RPH3A: variants seen among roughly 807,000 people sequenced by gnomAD.
RPH3A encodes rabphilin-3A.
Under a neutral mutation model 102.2 loss-of-function variants are expected in RPH3A, and 48 were observed. The ratio of observed to expected loss-of-function variants is 0.47; its 90% confidence interval spans 0.37 to 0.60. The LOEUF (loss-of-function observed/expected upper bound fraction) is 0.60. Among genes scored for constraint, RPH3A ranks in the 20% least tolerant of loss-of-function variants. The pLI, the probability that RPH3A is intolerant of heterozygous loss-of-function variation, is 0.00. For synonymous variants in RPH3A, 310 were observed against 324.3 expected, an observed-to-expected ratio of 0.96 and a Z score of 0.47; for missense variants, 781 against 910.1, an observed-to-expected ratio of 0.86 and a Z score of 1.83.
At position 112,648,570 on chromosome 12, in the gene RPH3A, C is replaced by CAAAAAA. The variant is rs1167121829; in HGVS notation, c.-140+73274_-140+73279dup. ...GCAACAGAGTGAAACCCCATCTCTA[C>CAAAAAA]AAAAAAAAAAAAAAAAAAAAAAAAA... On this transcript the variant is annotated intron_variant, in intron 1 of 21. Transcript: ENST00000543106. Among the ~76,000 whole-genome samples the CAAAAAA allele has an allele frequency of 5.2e-3, 57 of 11,046 alleles. 24 individuals are homozygous for CAAAAAA. The highest frequency in any genetic ancestry group is 0.02 in the African/African-American group (50 of 2,482). The allele number at this position is 11,046 out of a possible 152,430, so 7.2% of individuals were successfully genotyped here.
Position 112,712,925 on chromosome 12 carries a change from C to CTTCTTCTTCTTCTTCT in RPH3A, c.-139-79217_-139-79216insTCTTCTTCTTCTTCTT, listed in dbSNP as rs1565856803. ...CTTCCTCTTCTTCTTCTTCTTCTTC[C>CTTCTTCTTCTTCTTCT]TCTTCTTCTTCTTCTTCTTCTTCTT... On this transcript the variant is annotated intron_variant, in intron 1 of 21. Transcript: ENST00000543106. Among the ~76,000 whole-genome samples, 177 of 94,520 alleles carry CTTCTTCTTCTTCTTCT rather than the reference C, an allele frequency of 1.9e-3. 8 individuals carry two copies. Among genetic ancestry groups the CTTCTTCTTCTTCTTCT allele is most frequent in the African/African-American group, 7.0e-3 (154 of 21,902 alleles). The allele number at this position is 94,520 out of a possible 152,430, so 62.0% of individuals were successfully genotyped here.
At chr12:112,652,710 T>G (rs1408739522) in intron 1 of RPH3A, among the ~76,000 whole-genome samples, 1 of 152,246 alleles carries the variant, frequency 6.6e-6, no homozygotes, top group Non-Finnish European at 1.5e-5. Context: ...ATTCATTAAT[T>G]CATTTTCAAC....
intron 8 of RPH3A, chr12:112,869,379 T>G (rs2042665896): frequency 5.3e-6 from 1 of 189,954 alleles, no homozygotes; most frequent in Admixed American, 5.7e-5. Context: ...CAACAAATGT[T>G]TTCTTCCTGA....
At chr12:112,592,462 G>A (rs1428975505) in intron 1 of RPH3A, among the ~76,000 whole-genome samples, 1 of 152,046 alleles carries the variant, frequency 6.6e-6, no homozygotes, top group Non-Finnish European at 1.5e-5. Flanking sequence ...GGGATTACGG[G>A]CACACGCCAC....
intron 15 of RPH3A, 148 bp from the exon 16 acceptor site, chr12:112,883,145 C>CAA (rs2042945606): frequency 1.3e-5 from 8 of 628,264 alleles, no homozygotes; most frequent in Admixed American, 1.0e-4. Flanking sequence ...CCCCCACTCC[C>CAA]TGAGAACATG....
chr12:112,665,105 T>G (rs1000378515), intron 1 of RPH3A, among the ~76,000 whole-genome samples: 11 of 152,090 alleles, frequency 7.2e-5, no homozygotes. Flanking sequence ...TTTAACGGAT[T>G]TTCTTCCCTT....
chr12:112,685,646 A>G (rs1330338171), intron 1 of RPH3A, among the ~76,000 whole-genome samples: 1 of 152,148 alleles, frequency 6.6e-6, no homozygotes. Context: ...GGACATGTCC[A>G]TCAGTTTTTC....
rs186868840 is a variant in RPH3A at position 112,864,864 on chromosome 12, G to A, written c.231-550G>A. 2.3e-4 allele frequency among the ~76,000 whole-genome samples: 35 copies of A among 152,238 alleles called. 1 individual carries two copies. The highest frequency in any genetic ancestry group is 2.3e-3 in the Admixed American group (35 of 15,290). On this transcript the variant is annotated intron_variant, in intron 5 of 21. Coordinates refer to ENST00000389385, the MANE Select transcript of RPH3A (RefSeq NM_001143854.2). ...GGGCTGGGGTGGAGCCAAAGAATTC[G>A]GTTGGGTCATTGAATGTCAGGAGAG...
At chr12:112,839,466 G>T (rs1397391721) in intron 4 of RPH3A, among the ~76,000 whole-genome samples, 1 of 152,052 alleles carries the variant, frequency 6.6e-6, no homozygotes, top group East Asian at 1.9e-4. Flanking sequence ...TGCATCAAAG[G>T]GTTGGCTGAT....
intron 1 of RPH3A, among the ~76,000 whole-genome samples, chr12:112,671,080 A>G (rs2136009372): frequency 6.6e-6 from 1 of 152,386 alleles, no homozygotes; most frequent in Non-Finnish European, 1.5e-5. Context: ...GCCACCAGCC[A>G]TGAGCCATTT....
Position 112,887,879 on chromosome 12 carries a change from A to T in RPH3A, c.1519A>T (p.Asn507Tyr), listed in dbSNP as rs1400203086. 6.2e-7 allele frequency: 1 copy of T among 1,613,884 alleles called. No homozygotes were observed. The highest frequency in any genetic ancestry group is 2.2e-5 in the East Asian group (1 of 44,898). The change falls in exon 17 of 22, where the codon AAC (asparagine) becomes TAC (tyrosine). Residue 507 changes from asparagine (N) to tyrosine (Y), a missense_variant. By Grantham distance (143) the Asn-to-Tyr change is moderately radical. Transcript: ENST00000389385. ...ATTCTCCCTCAAGAAACTGAAGCCC[A>T]ACCAGAGGAAGAATTTCAACATCTG... ...TRFSLKKLKP[N>Y]QRKNFNICLE... is the part of the protein sequence containing the mutation.
chr12:112,697,043 A>C (rs1011299649), intron 1 of RPH3A, among the ~76,000 whole-genome samples: 9 of 152,266 alleles, frequency 5.9e-5, no homozygotes, highest in Middle Eastern at 3.4e-3. Context: ...ATACTTAATA[A>C]CTGACTACTG....
chr12:112,649,363 C>A (rs1245766194), intron 1 of RPH3A: 2 of 152,186 alleles, frequency 1.3e-5, no homozygotes, highest in Non-Finnish European at 2.9e-5. Context: ...ACTCTTGGTA[C>A]TACTGGAACT....
intron 1 of RPH3A, among the ~76,000 whole-genome samples, chr12:112,704,363 T>C (rs2040414470): frequency 6.6e-6 from 1 of 152,174 alleles, no homozygotes; most frequent in African/African-American, 2.4e-5. Flanking sequence ...ATGCTGGGAT[T>C]ACAGGCATCA....
intron 1 of RPH3A, among the ~76,000 whole-genome samples, chr12:112,651,313 C>T (rs2039973704): frequency 6.6e-6 from 1 of 151,852 alleles, no homozygotes; most frequent in Non-Finnish European, 1.5e-5. Flanking sequence ...CTGTAGTGAG[C>T]AGAGATTGCA....
At chr12:112,596,747 A>G (rs1284103119) in intron 1 of RPH3A, among the ~76,000 whole-genome samples, 1 of 152,230 alleles carries the variant, frequency 6.6e-6, no homozygotes, top group Non-Finnish European at 1.5e-5. Flanking sequence ...ATAAATTTCA[A>G]TAAAAGTAGA....
At chr12:112,824,294 T>A (rs557221893) in intron 2 of RPH3A, among the ~76,000 whole-genome samples, 47 of 152,294 alleles carry the variant, frequency 3.1e-4, no homozygotes, top group Admixed American at 3.1e-3. Context: ...GCCATTGGCT[T>A]TGTGCTGCTC....
At chr12:112,848,933 C>A (rs1490894287) in intron 5 of RPH3A, among the ~76,000 whole-genome samples, 2 of 152,102 alleles carry the variant, frequency 1.3e-5, no homozygotes, top group Non-Finnish European at 2.9e-5. Flanking sequence ...AGAGAGGCCA[C>A]TGGAGTGGTC....
At chr12:112,585,291 C>T (rs558067172) in intron 1 of RPH3A, among the ~76,000 whole-genome samples, 1 of 152,300 alleles carries the variant, frequency 6.6e-6, no homozygotes, top group South Asian at 2.1e-4. Context: ...CCCTCACAGA[C>T]ACACCCAGGA....
Sources: gnomAD v4.1 joint callset for allele counts (sites outside exome capture counted in the v4.1 genomes callset) on GRCh38, gnomAD v4.1.1 for gene constraint, MANE v1.5 for transcripts, NCBI Gene and HGNC (gene_info 2026-07-23, HGNC 2026-07-21) for gene names.